The following ASB18 variants were observed in gnomAD, a reference collection of about 807,000 sequenced individuals.
ASB18 encodes ankyrin repeat and SOCS box containing 18, also known as ankyrin repeat and SOCS box protein 18.
A neutral mutation model predicts 33.4 loss-of-function variants in ASB18; 33 were observed. The ratio of observed to expected loss-of-function variants is 0.99; its 90% CI spans 0.75 to 1.32. The LOEUF is 1.32. Among genes scored for constraint, ASB18 ranks in the 40% most tolerant of loss-of-function variants. The probability of loss-of-function intolerance (pLI) is 0.00; values close to 1 mark genes in which losing one functional copy is unlikely to be tolerated. For synonymous variants in ASB18, 295 were observed against 307.6 expected, an observed-to-expected ratio of 0.96 and a Z score of 0.43; for missense variants, 694 against 655.5, an observed-to-expected ratio of 1.06 and a Z score of -0.64.
rs1373536592 is a variant in ASB18, at chr2:236,238,674, A to G, written c.329-718T>C. Among the ~76,000 whole-genome samples the G allele has an allele frequency of 6.6e-6, 1 of 151,656 alleles. No homozygotes were observed. The highest frequency in any genetic ancestry group is 1.5e-5 in the Non-Finnish European group (1 of 67,940). On this transcript the variant is annotated intron_variant, in intron 2 of 5. Coordinates refer to ENST00000409749, the MANE Select transcript of ASB18 (RefSeq NM_212556.4). The surrounding 1 kb of genome is among the most constrained non-coding windows in gnomAD (Gnocchi z 5.2). ...GGGATGAATGGAGCAGGTGCTATAC[A>G]TTTTTACTTCTCTGAAAACTTTGGC...
chr2:236,233,282 G>A (rs1055078317), intron 3 of ASB18, among the ~76,000 whole-genome samples: 1 of 152,022 alleles, frequency 6.6e-6, no homozygotes, highest in Non-Finnish European at 1.5e-5. Flanking sequence ...ACAGAAGGGA[G>A]TTCTGTATCT....
rs1302489875 is a variant in ASB18 at position 236,241,192 on chromosome 2, C to T, written c.328+88G>A. ...GTACGTTAAACCCAGTGCCACTGTG[C>T]CCAGTCTACACACGGGAGCCTTACA... On this transcript the variant is annotated intron_variant, in intron 2 of 5. Transcript: ENST00000409749. This position sits in a 1 kb window ranked among gnomAD's most constrained non-coding sequence, Gnocchi z 4.2. 2 of 1,330,302 alleles carry T rather than the reference C, an allele frequency of 1.5e-6. No individual in the cohort carries two copies. Among genetic ancestry groups the T allele is most frequent in the African/African-American group, 1.4e-5 (1 of 69,314 alleles). The allele number at this position is 1,330,302 out of a possible 1,614,324, so 82.4% of individuals were successfully genotyped here. A position where few individuals can be genotyped will look rare whatever the true frequency, so the allele number is the denominator to read the frequency against.
Position 236,234,655 on chromosome 2 carries a change from G to A in ASB18, c.596+3034C>T, listed in dbSNP as rs193266985. Among the ~76,000 whole-genome samples, 160 of 152,316 alleles carry A rather than the reference G, an allele frequency of 1.1e-3. No homozygotes were observed. Among genetic ancestry groups the A allele is most frequent in the African/African-American group, 3.6e-3 (149 of 41,564 alleles). ...CATTTTTGACAAAGGTGCAAAGACC[G>A]TTTGGTGGAGAAAGGAAGGGTTTAG... On this transcript the variant is annotated intron_variant, in intron 3 of 5. Transcript: ENST00000409749. This position sits in a 1 kb window ranked among gnomAD's most constrained non-coding sequence, Gnocchi z 4.1.
intron 4 of ASB18, among the ~76,000 whole-genome samples, chr2:236,202,054 A>C (rs2060405829): frequency 6.6e-6 from 1 of 151,924 alleles, no homozygotes. Flanking sequence ...GGTTCAAGCA[A>C]TTCTCCCGCC....
At position 236,214,664 on chromosome 2, in the gene ASB18, CG is replaced by C; in HGVS notation, c.798del (p.Asp267ThrfsTer103). On this transcript the variant is annotated frameshift_variant, in exon 4 of 6. Coordinates refer to ENST00000409749, the MANE Select transcript of ASB18 (RefSeq NM_212556.4). LOFTEE classifies it high-confidence loss of function. The surrounding 1 kb of genome is among the most constrained non-coding windows in gnomAD (Gnocchi z 6.5). ...AGGCGCAGGCAGCGCCCGTGCTCGT[CG>C]GGCCTCCGCGCCGCACCGCAGGCCG... Reference protein sequence around the residue: ...LSAACGAARRPDEHGRCLRLC... With the variant: ...LSAACGAARRXDEHGRCLRLC... 1 of 1,145,852 alleles carries C rather than the reference CG, an allele frequency of 8.7e-7. No individual in the cohort carries two copies. Among genetic ancestry groups the C allele is most frequent in the Non-Finnish European group, 1.1e-6 (1 of 934,378 alleles). The allele number at this position is 1,145,852 out of a possible 1,614,324, so 71.0% of individuals were successfully genotyped here.
At chr2:236,247,900 T>C (rs1056459202) in intron 1 of ASB18, 3 of 152,106 alleles carry the variant, frequency 2.0e-5, no homozygotes, top group Non-Finnish European at 4.4e-5. Flanking sequence ...GATCCCTACA[T>C]GGATTGTGAA....
rs559736838 is a variant in ASB18, at chr2:236,221,755, G to A, written c.597-6889C>T. Among the ~76,000 whole-genome samples the A allele has an allele frequency of 2.0e-5, 3 of 152,300 alleles. No homozygotes were observed. The highest frequency in any genetic ancestry group is 7.2e-5 in the African/African-American group (3 of 41,578). On this transcript the variant is annotated intron_variant, in intron 3 of 5. Transcript: ENST00000409749. The surrounding 1 kb of genome is among the most constrained non-coding windows in gnomAD (Gnocchi z 5.6). ...GAGCTCCCTCTCCTGTTCTCCTTAT[G>A]TGACTGCTCCTGGAATCCCTTCTGA...
Position 236,249,023 on chromosome 2 carries a change from T to G in ASB18, c.206-7621A>C, listed in dbSNP as rs1448990427. The G allele has an allele frequency of 6.6e-6, 1 of 152,250 alleles. No individual in the cohort carries two copies. The highest frequency in any genetic ancestry group is 1.9e-4 in the East Asian group (1 of 5,202). The allele number at this position is 152,250 out of a possible 1,614,324, so 9.4% of individuals were successfully genotyped here. A position where few individuals can be genotyped will look rare whatever the true frequency, so the allele number is the denominator to read the frequency against. On this transcript the variant is annotated intron_variant, in intron 1 of 5. Transcript: ENST00000409749. The surrounding 1 kb of genome is among the most constrained non-coding windows in gnomAD (Gnocchi z 4.6). ...TTAAGTTAAGAGGTTGTTGGTTGTT[T>G]TGATGCATTGATATTTATACCCAAA...
At chr2:236,232,317 A>G (rs1469893663) in intron 3 of ASB18, among the ~76,000 whole-genome samples, 1 of 151,992 alleles carries the variant, frequency 6.6e-6, no homozygotes, top group African/African-American at 2.4e-5. Context: ...GTAAAAACAC[A>G]TATTAAAATT....
In ASB18 at chr2:236,255,297, C is replaced by G; in HGVS notation, c.205+8844G>C. On this transcript the variant is annotated intron_variant, in intron 1 of 5. Coordinates refer to ENST00000409749, the MANE Select transcript of ASB18 (RefSeq NM_212556.4). This position sits in a 1 kb window ranked among gnomAD's most constrained non-coding sequence, Gnocchi z 4.4. Reference sequence around the variant, plus strand: ...TAGCTGAAATTACAGGCGCCCACCACGACGCCCAGCTAATTTATATATTTT... The same window carrying G: ...TAGCTGAAATTACAGGCGCCCACCAGGACGCCCAGCTAATTTATATATTTT... Among the ~76,000 whole-genome samples, 1 of 151,934 alleles carries G rather than the reference C, an allele frequency of 6.6e-6. No homozygotes were observed. The highest frequency in any genetic ancestry group is 1.9e-4 in the East Asian group (1 of 5,166).
At chr2:236,198,352 T>A (rs190018264) in intron 4 of ASB18, among the ~76,000 whole-genome samples, 1 of 152,212 alleles carries the variant, frequency 6.6e-6, no homozygotes, top group Non-Finnish European at 1.5e-5. Flanking sequence ...ATTGTGAATC[T>A]ATTTACAAGC....
rs13403664 is a variant in ASB18 at position 236,239,512 on chromosome 2, C to T, written c.329-1556G>A. On this transcript the variant is annotated intron_variant, in intron 2 of 5. Coordinates refer to ENST00000409749, the MANE Select transcript of ASB18 (RefSeq NM_212556.4). The surrounding 1 kb of genome is among the most constrained non-coding windows in gnomAD (Gnocchi z 5.6). ...GGGACGTGAATTAAGGCTCAGGAAG[C>T]CGGAATCAGCTTTCTGTAACTCCCG... is the stretch of plus-strand genomic sequence containing the variant. Among the ~76,000 whole-genome samples the T allele has an allele frequency of 1.3e-5, 1 of 75,680 alleles. No homozygotes were observed. Among genetic ancestry groups the T allele is most frequent in the Non-Finnish European group, 3.1e-5 (1 of 31,926 alleles). 49.6% of individuals were successfully genotyped at this position (75,680 alleles called of 152,430 possible). A position where few individuals can be genotyped will look rare whatever the true frequency, so the allele number is the denominator to read the frequency against.
intron 1 of ASB18, among the ~76,000 whole-genome samples, chr2:236,242,511 T>G (rs533684342): frequency 6.6e-6 from 1 of 152,210 alleles, no homozygotes; most frequent in South Asian, 2.1e-4. Context: ...AAAAGAAGAA[T>G]AATATTTCAT....
Position 236,256,410 on chromosome 2 carries a change from G to A in ASB18, c.205+7731C>T, listed in dbSNP as rs2060692244. On this transcript the variant is annotated intron_variant, in intron 1 of 5. Transcript: ENST00000409749. The surrounding 1 kb of genome is among the most constrained non-coding windows in gnomAD (Gnocchi z 4.7). ...TCCCTGTCCAATATCCAGGTGCAGA[G>A]GTTGGCATTAAAAGATAGTGGGGCA... Among the ~76,000 whole-genome samples the A allele has an allele frequency of 6.6e-6, 1 of 152,164 alleles. No homozygotes were observed. The highest frequency in any genetic ancestry group is 6.5e-5 in the Admixed American group (1 of 15,280).
At position 236,255,391 on chromosome 2, in the gene ASB18, C is replaced by G. The variant is rs1428747047; in HGVS notation, c.205+8750G>C. Among the ~76,000 whole-genome samples the G allele has an allele frequency of 6.6e-6, 1 of 152,114 alleles. No individual in the cohort carries two copies. The highest frequency in any genetic ancestry group is 2.1e-4 in the South Asian group (1 of 4,824). ...ACTCCTGACCTCAGGTGATCTGCCC[C>G]CCTCGGCCTATCAAAGTGCTGGGAT... On this transcript the variant is annotated intron_variant, in intron 1 of 5. Coordinates refer to ENST00000409749, the MANE Select transcript of ASB18 (RefSeq NM_212556.4). The surrounding 1 kb of genome is among the most constrained non-coding windows in gnomAD (Gnocchi z 4.4).
rs986497503 is a variant in ASB18 at position 236,237,864 on chromosome 2, C to A, written c.421G>T (p.Gly141Cys). Residue 141 changes from glycine (G) to cysteine (C), a missense_variant, in exon 3 of 6, where the codon GGC becomes TGC. Gly to Cys is a radical substitution (Grantham distance 159). Coordinates refer to ENST00000409749, the MANE Select transcript of ASB18 (RefSeq NM_212556.4). The surrounding 1 kb of genome is among the most constrained non-coding windows in gnomAD (Gnocchi z 6.2). ...CTGGCGTCTGGGTCTGCGCCGCGGC[C>A]GAGCAGGTGTCGCACGCAGGCGGTG... Reference protein sequence around the residue: ...GHTACVRHLLGRGADPDASPG... With the variant: ...GHTACVRHLLCRGADPDASPG... 7.5e-6 allele frequency: 11 copies of A among 1,468,204 alleles called. No individual in the cohort carries two copies. The highest frequency in any genetic ancestry group is 9.8e-6 in the Non-Finnish European group (11 of 1,118,838). The allele number at this position is 1,468,204 out of a possible 1,614,324, so 90.9% of individuals were successfully genotyped here.
chr2:236,260,356 T>A lies in ASB18; in HGVS notation c.205+3785A>T, dbSNP rs947245596. Among the ~76,000 whole-genome samples the A allele has an allele frequency of 6.6e-6, 1 of 152,184 alleles. No homozygotes were observed. Among genetic ancestry groups the A allele is most frequent in the African/African-American group, 2.4e-5 (1 of 41,442 alleles). ...GTTTTCCTGTGTTATCATTCCTTCC[T>A]CTTCACATTCCTCCTCTCAGGGATT... On this transcript the variant is annotated intron_variant, in intron 1 of 5. Transcript: ENST00000409749. This position sits in a 1 kb window ranked among gnomAD's most constrained non-coding sequence, Gnocchi z 5.1.
rs1449907795 is a variant in ASB18, at chr2:236,237,388, G to A, written c.596+301C>T. Among the ~76,000 whole-genome samples the A allele has an allele frequency of 5.5e-4, 44 of 79,494 alleles. No individual in the cohort carries two copies. Among genetic ancestry groups the A allele is most frequent in the East Asian group, 1.8e-3 (5 of 2,718 alleles). The allele number at this position is 79,494 out of a possible 152,430, so 52.2% of individuals were successfully genotyped here. On this transcript the variant is annotated intron_variant, in intron 3 of 5. Coordinates refer to ENST00000409749, the MANE Select transcript of ASB18 (RefSeq NM_212556.4). This position sits in a 1 kb window ranked among gnomAD's most constrained non-coding sequence, Gnocchi z 6.2. ...GGGGCCGGGGCCGGGGCGCGGGGCG[G>A]GGGCCGGGGCCGGGGCGCGGGGCGG... is the stretch of plus-strand genomic sequence containing the variant.
rs1207493943 is a variant in ASB18 at position 236,256,584 on chromosome 2, C to T, written c.205+7557G>A. On this transcript the variant is annotated intron_variant, in intron 1 of 5. Coordinates refer to ENST00000409749, the MANE Select transcript of ASB18 (RefSeq NM_212556.4). The surrounding 1 kb of genome is among the most constrained non-coding windows in gnomAD (Gnocchi z 4.7). ...AGAAAAGCCTCTCCGCTATTATTCT[C>T]ATTGCTTTTTGTTCTTTCCAAACTC... 6.6e-6 allele frequency among the ~76,000 whole-genome samples: 1 copy of T among 152,224 alleles called. No individual in the cohort carries two copies. Among genetic ancestry groups the T allele is most frequent in the Non-Finnish European group, 1.5e-5 (1 of 68,048 alleles).
Sources: allele counts gnomAD v4.1 joint callset (sites outside exome capture counted in the v4.1 genomes callset), GRCh38; gene constraint gnomAD v4.1.1; non-coding constraint Gnocchi (gnomAD v3.1); transcripts MANE v1.5; gene names NCBI Gene and HGNC (gene_info 2026-07-23, HGNC 2026-07-21).